Variants in CDH4 observed in about 807,000 individuals in gnomAD.
CDH4 encodes cadherin-4.
CDH4 carries 33 observed loss-of-function variants against 86.0 expected under a neutral mutation model. The observed-to-expected ratio is 0.38, with a 90% CI of 0.29 to 0.51. The LOEUF (loss-of-function observed/expected upper bound fraction) is 0.51. Ranked by LOEUF, CDH4 falls within the 20% of genes least tolerant of loss-of-function variation. The pLI, the probability that CDH4 is intolerant of heterozygous loss-of-function variation, is 0.86. For missense variants in CDH4, 1,114 were observed against 1,307.4 expected (o/e 0.85, Z 2.28); for synonymous variants, 555 against 549.4 (o/e 1.01, Z -0.14).
chr20:61,413,250 G>A (rs929710954), intron 2 of CDH4, among the ~76,000 whole-genome samples: 1 of 145,496 alleles, frequency 6.9e-6, no homozygotes, highest in South Asian at 2.2e-4. Flanking sequence ...GCCTTTCACC[G>A]CTGGCCTGGA....
intron 2 of CDH4, among the ~76,000 whole-genome samples, chr20:61,466,633 C>T (rs1343426415): frequency 2.6e-5 from 4 of 151,884 alleles, no homozygotes; most frequent in South Asian, 2.1e-4. Context: ...GACTTGAGGC[C>T]GGGAGTTCAA....
At chr20:61,766,814 T>A (rs1443111786) in intron 3 of CDH4, among the ~76,000 whole-genome samples, 2 of 152,196 alleles carry the variant, frequency 1.3e-5, no homozygotes, top group Non-Finnish European at 2.9e-5. Flanking sequence ...AAAGTCCTAT[T>A]CACCCTTCAG....
intron 2 of CDH4, among the ~76,000 whole-genome samples, chr20:61,686,582 T>C (rs2087579338): frequency 6.6e-6 from 1 of 151,912 alleles, no homozygotes; most frequent in Non-Finnish European, 1.5e-5. Context: ...CGTGTGTGCA[T>C]TCATGTGTGT....
chr20:61,356,082 G>A (rs896969789), intron 2 of CDH4, among the ~76,000 whole-genome samples: 39 of 152,194 alleles, frequency 2.6e-4, no homozygotes, highest in African/African-American at 8.9e-4. Flanking sequence ...TGGGCATCCC[G>A]TGGAGGTAGG....
At chr20:61,788,298 G>A (rs976756399) in intron 4 of CDH4, among the ~76,000 whole-genome samples, 3 of 152,194 alleles carry the variant, frequency 2.0e-5, no homozygotes, top group African/African-American at 7.2e-5. Flanking sequence ...GTGAGGAGCT[G>A]GAGTGTGGCA....
intron 2 of CDH4, among the ~76,000 whole-genome samples, chr20:61,425,432 C>A (rs1261910480): frequency 6.6e-6 from 1 of 152,128 alleles, no homozygotes; most frequent in Admixed American, 6.5e-5. Context: ...CTGGGACTGG[C>A]TCCTGTCTGA....
chr20:61,298,760 G>T (rs2084370575), intron 2 of CDH4, among the ~76,000 whole-genome samples: 1 of 149,808 alleles, frequency 6.7e-6, no homozygotes, highest in Non-Finnish European at 1.5e-5. Flanking sequence ...ACTGAAGAAA[G>T]TCATTTCCAA....
At chr20:61,893,190 A>G (rs113130818) in intron 7 of CDH4, among the ~76,000 whole-genome samples, 38 of 16,772 alleles carry the variant, frequency 2.3e-3, no homozygotes, top group South Asian at 4.4e-3. Context: ...TGGGTGGATA[A>G]ATGAATGGGT....
At chr20:61,286,328 G>A (rs1006490306) in intron 2 of CDH4, among the ~76,000 whole-genome samples, 3 of 152,190 alleles carry the variant, frequency 2.0e-5, no homozygotes, top group African/African-American at 4.8e-5. Flanking sequence ...TAATGCTGAC[G>A]AGCTGCCTCC....
chr20:61,860,426 G>A (rs6121817), intron 6 of CDH4, among the ~76,000 whole-genome samples: 36,004 of 152,088 alleles, frequency 0.24, 4,896 homozygotes, highest in African/African-American at 0.37. Flanking sequence ...ATGTCTGAAC[G>A]ATGCAGTTTT....
chr20:61,418,052 G>A (rs1046101125), intron 2 of CDH4, among the ~76,000 whole-genome samples: 2 of 152,036 alleles, frequency 1.3e-5, no homozygotes, highest in African/African-American at 2.4e-5. Flanking sequence ...CTCTTTTGCT[G>A]TTAAATGGCA....
chr20:61,475,419 T>G (rs1392610840), intron 2 of CDH4, among the ~76,000 whole-genome samples: 1 of 139,174 alleles, frequency 7.2e-6, no homozygotes, highest in Non-Finnish European at 1.6e-5. Flanking sequence ...GCCTCCAGCC[T>G]CCTCCACCAC....
intron 8 of CDH4, among the ~76,000 whole-genome samples, chr20:61,906,713 G>A (rs1473503488): frequency 6.6e-6 from 1 of 151,796 alleles, no homozygotes; most frequent in Non-Finnish European, 1.5e-5. Context: ...AATGGCCCGG[G>A]GCCAGGTGTC....
intron 6 of CDH4, among the ~76,000 whole-genome samples, chr20:61,857,405 C>T (rs1040887873): frequency 4.6e-5 from 7 of 152,234 alleles, no homozygotes; most frequent in Admixed American, 1.3e-4. Flanking sequence ...AAGAAATCAA[C>T]GTTGGTTTAT....
chr20:61,884,934 G>C (rs981348646), intron 7 of CDH4, among the ~76,000 whole-genome samples: 3 of 152,226 alleles, frequency 2.0e-5, no homozygotes, highest in African/African-American at 7.2e-5. Flanking sequence ...CATAGGGTAG[G>C]CCCCAGGTCC....
intron 6 of CDH4, among the ~76,000 whole-genome samples, chr20:61,859,359 C>T (rs1983213132): frequency 1.3e-5 from 2 of 152,188 alleles, no homozygotes; most frequent in Non-Finnish European, 2.9e-5. Flanking sequence ...GTCTTCCATC[C>T]TCCCCCCAGG....
Position 61,675,229 on chromosome 20 carries a change from T to G in CDH4, c.170-68334T>G, listed in dbSNP as rs564719075. ...AGACGGTGTTGTGCCCACCTCTGCTTTGGGGAGAAGGAAACAACCATCGTA... is the reference window on the plus strand; with the variant it reads ...AGACGGTGTTGTGCCCACCTCTGCTGTGGGGAGAAGGAAACAACCATCGTA... On this transcript the variant is annotated intron_variant, in intron 2 of 15. Coordinates refer to ENST00000614565, the MANE Select transcript of CDH4 (RefSeq NM_001794.5). Among the ~76,000 whole-genome samples the G allele has an allele frequency of 3.3e-5, 5 of 152,262 alleles. No individual in the cohort carries two copies. In the East Asian group the frequency reaches 9.7e-4, roughly 29 times the overall value.
rs907332249 is a variant in CDH4 at position 61,392,409 on chromosome 20, C to T, written c.169+137472C>T. 1.3e-5 allele frequency among the ~76,000 whole-genome samples: 2 copies of T among 152,124 alleles called. No homozygotes were observed. The highest frequency in any genetic ancestry group is 1.3e-4 in the Admixed American group (2 of 15,274). Reference sequence around the variant, plus strand: ...GGCGCCACCGGGATGGAACGCACGGCGCCCCGACGTGATTTTCCAGAGAAC... The same window carrying T: ...GGCGCCACCGGGATGGAACGCACGGTGCCCCGACGTGATTTTCCAGAGAAC... On this transcript the variant is annotated intron_variant, in intron 2 of 15. Coordinates refer to ENST00000614565, the MANE Select transcript of CDH4 (RefSeq NM_001794.5). This position sits in a 1 kb window ranked among gnomAD's most constrained non-coding sequence, Gnocchi z 5.7.
Position 61,727,204 on chromosome 20 carries a change from T to A in CDH4, c.170-16359T>A, listed in dbSNP as rs549769358. On this transcript the variant is annotated intron_variant, in intron 2 of 15. Coordinates refer to ENST00000614565, the MANE Select transcript of CDH4 (RefSeq NM_001794.5). ...CATCATCACCATCAGAGTCATCATC[T>A]TCACCACCGGAGCCATCATCACCAT... Among the ~76,000 whole-genome samples, 12 of 137,930 alleles carry A rather than the reference T, an allele frequency of 8.7e-5. No individual in the cohort carries two copies. The East Asian group carries it at 2.4e-3, about 28-fold the overall frequency. 90.5% of individuals were successfully genotyped at this position (137,930 alleles called of 152,430 possible). A position where few individuals can be genotyped will look rare whatever the true frequency, so the allele number is the denominator to read the frequency against.
Sources: gnomAD v4.1 joint callset for allele counts (sites outside exome capture counted in the v4.1 genomes callset) on GRCh38, gnomAD v4.1.1 for gene constraint, Gnocchi (gnomAD v3.1) non-coding constraint, MANE v1.5 for transcripts, NCBI Gene and HGNC (gene_info 2026-07-23, HGNC 2026-07-21) for gene names.